ABCA4: variants seen among roughly 807,000 people sequenced by gnomAD.
ABCA4 encodes the protein retinal-specific phospholipid-transporting ATPase ABCA4.
Under a neutral mutation model 263.7 loss-of-function variants are expected in ABCA4, and 196 were observed. That is an observed-to-expected ratio of 0.74 (90% CI 0.66 to 0.84). The LOEUF (loss-of-function observed/expected upper bound fraction) is 0.84. Ranked by LOEUF, ABCA4 falls within the 40% of genes least tolerant of loss-of-function variation. ABCA4 has a pLI of 0.00. For missense variants in ABCA4, 2,792 were observed against 2,855.1 expected, an observed-to-expected ratio of 0.98 and a Z score of 0.50; for synonymous variants, 1,133 against 1,094.2, an observed-to-expected ratio of 1.04 and a Z score of -0.70.
At chr1:93,995,953 G>T in intron 49 of ABCA4, among the ~76,000 whole-genome samples, 156 bp downstream of exon 49, 1 of 152,232 alleles carries the variant, frequency 6.6e-6, no homozygotes, top group East Asian at 1.9e-4. Context: ...AGGATGTGAT[G>T]AGGATGTGGT....
At chr1:94,045,605 A>C (rs1457977334) in intron 19 of ABCA4, 7 of 387,158 alleles carry the variant, frequency 1.8e-5, no homozygotes, top group Non-Finnish European at 3.1e-5. Context: ...AGATGGATGC[A>C]GGGCCGCCAC....
intron 3 of ABCA4, among the ~76,000 whole-genome samples, chr1:94,109,182 T>C (rs528710598): frequency 6.6e-6 from 1 of 152,356 alleles, no homozygotes; most frequent in African/African-American, 2.4e-5. Flanking sequence ...CTTGTACATA[T>C]AGGCTAACTG....
chr1:94,083,643 C>T (rs577411781), intron 6 of ABCA4, among the ~76,000 whole-genome samples: 11 of 152,276 alleles, frequency 7.2e-5, no homozygotes, highest in Admixed American at 6.5e-4. Context: ...TTCCAAGACT[C>T]CTTGCTGCAC....
intron 47 of ABCA4, among the ~76,000 whole-genome samples, chr1:93,998,575 C>T (rs906406090): frequency 2.0e-5 from 3 of 152,050 alleles, no homozygotes; most frequent in African/African-American, 7.2e-5. Context: ...TGTGTACATA[C>T]TGAAAACTAG....
At chr1:94,079,599 G>A (rs1661634491) in intron 8 of ABCA4, 138 bp from the exon 9 acceptor site, 2 of 1,264,534 alleles carry the variant, frequency 1.6e-6, no homozygotes, top group Non-Finnish European at 2.3e-6. Context: ...TTAATAGGCT[G>A]TACCCCACCA....
rs62646865 is a variant in ABCA4, at chr1:94,098,816, T to C, written c.746A>G (p.Asp249Gly). The change falls in exon 6 of 50, where the codon GAC becomes GGC. Residue 249 changes from aspartate to glycine, a missense_variant. Coordinates refer to ENST00000370225, the MANE Select transcript of ABCA4 (RefSeq NM_000350.3). Reference sequence around the variant, plus strand: ...TACCACACGGAAGAGCTTGAAGAAGTCCACGTTGGCATACAGAGTGTCTTC... The same window carrying C: ...TACCACACGGAAGAGCTTGAAGAAGCCCACGTTGGCATACAGAGTGTCTTC... ...WIEDTLYANV[D>G]FFKLFRVLPT... is the part of the protein sequence containing the mutation. 2 of 1,614,074 alleles carry C rather than the reference T, an allele frequency of 1.2e-6. No individual in the cohort carries two copies. Among genetic ancestry groups the C allele is most frequent in the Non-Finnish European group, 1.7e-6 (2 of 1,179,998 alleles).
chr1:94,120,939 G>T, intron 1 of ABCA4, 41 bp downstream of exon 1: 215 of 626,708 alleles, frequency 3.4e-4, no homozygotes, highest in Non-Finnish European at 4.6e-4. Flanking sequence ...CTGTTTATTT[G>T]CTCCACACCT....
intron 14 of ABCA4, among the ~76,000 whole-genome samples, chr1:94,059,219 TG>T (rs1415301340): frequency 6.6e-6 from 1 of 152,142 alleles, no homozygotes; most frequent in Non-Finnish European, 1.5e-5. Context: ...ATGTTGGTAC[TG>T]GGAAAAGAAG....
chr1:94,116,590 C>T (rs922093149), intron 1 of ABCA4, among the ~76,000 whole-genome samples: 9 of 152,178 alleles, frequency 5.9e-5, no homozygotes, highest in South Asian at 2.1e-4. Context: ...CTGCATTTCA[C>T]GCGTCACTCC....
At chr1:94,116,988 TTCTTTCTTTCTTTC>T (rs1369537160) in intron 1 of ABCA4, among the ~76,000 whole-genome samples, 1 of 120,324 alleles carries the variant, frequency 8.3e-6, no homozygotes, top group Admixed American at 8.3e-5. Context: ...CTTTCTTTCT[TTCTTTCTTTCTTTC>T]TTTCTTTCTT....
Position 93,993,112 on chromosome 1 carries a change from G to C in ABCA4, c.*125C>G. The C allele has an allele frequency of 7.6e-7, 1 of 1,314,728 alleles. No homozygotes were observed. Among genetic ancestry groups the C allele is most frequent in the Non-Finnish European group, 1.1e-6 (1 of 919,944 alleles). 81.4% of individuals were successfully genotyped at this position (1,314,728 alleles called of 1,614,324 possible). On this transcript the variant is annotated 3_prime_UTR_variant, in exon 50 of 50. Coordinates refer to ENST00000370225, the MANE Select transcript of ABCA4 (RefSeq NM_000350.3). ...TTCGCTGCATGCTCCTCGTGTGTTT[G>C]TTTTCTGCTGCAGTGGGGTCATTTA... is the stretch of plus-strand genomic sequence containing the variant.
intron 48 of ABCA4, among the ~76,000 whole-genome samples, chr1:93,996,905 T>G (rs1223752878): frequency 6.6e-6 from 1 of 152,146 alleles, no homozygotes; most frequent in Non-Finnish European, 1.5e-5. Flanking sequence ...GGACAAACAC[T>G]GTATGATTCC....
chr1:94,022,260 C>CAA (rs1454679157), intron 32 of ABCA4, among the ~76,000 whole-genome samples: 8 of 152,308 alleles, frequency 5.3e-5, no homozygotes, highest in Non-Finnish European at 1.0e-4. Flanking sequence ...TTCCAGAGCT[C>CAA]CTCATGGCCC....
rs2101035693 is a variant in ABCA4, at chr1:94,031,016, C to A, written c.4233G>T (p.Gly1411=). The change falls in exon 28 of 50, where the codon GGG becomes GGT. Residue 1411 remains glycine, a synonymous_variant. Coordinates refer to ENST00000370225, the MANE Select transcript of ABCA4 (RefSeq NM_000350.3). The stretch of plus-strand genomic sequence containing the variant: ...CGCACCTGAAGAAGGTGTACTGCTG[C>A]CCATATATCCAGGGGTGAAGGGTCA... ...PALTLHPWIY[G]QQYTFFSMDE... The A allele has an allele frequency of 3.7e-6, 6 of 1,614,046 alleles. No individual in the cohort carries two copies. Among genetic ancestry groups the A allele is most frequent in the Non-Finnish European group, 5.1e-6 (6 of 1,179,998 alleles).
In ABCA4 at chr1:94,036,881, T is replaced by C. The variant is rs1660352204; in HGVS notation, c.3814-93A>G. 3.9e-6 allele frequency: 5 copies of C among 1,269,490 alleles called. No homozygotes were observed. The South Asian group carries it at 4.8e-5, about 12-fold the overall frequency. 78.6% of individuals were successfully genotyped at this position (1,269,490 alleles called of 1,614,324 possible). A position where few individuals can be genotyped will look rare whatever the true frequency, so the allele number is the denominator to read the frequency against. ...CTCTGTTTTGTTGGGTATTGCTTCA[T>C]AATGGGAAGAAAATCCATTACGACT... On this transcript the variant is annotated intron_variant, in intron 25 of 49. Coordinates refer to ENST00000370225, the MANE Select transcript of ABCA4 (RefSeq NM_000350.3).
At chr1:94,120,432 C>T (rs138044405) in intron 1 of ABCA4, among the ~76,000 whole-genome samples, 25 of 152,326 alleles carry the variant, frequency 1.6e-4, no homozygotes, top group African/African-American at 5.5e-4. Context: ...TGTTACTTTT[C>T]TGCACCACTA....
At chr1:94,063,877 C>A (rs951324614) in intron 11 of ABCA4, among the ~76,000 whole-genome samples, 9 of 151,690 alleles carry the variant, frequency 5.9e-5, no homozygotes, top group Non-Finnish European at 1.0e-4. Context: ...AATTCTGTGA[C>A]AAGTAATGCT....
At chr1:94,034,302 C>A (rs1293965583) in intron 26 of ABCA4, among the ~76,000 whole-genome samples, 2 of 152,158 alleles carry the variant, frequency 1.3e-5, no homozygotes. Context: ...GAGCCCTTTT[C>A]TTCTTCTCTT....
At chr1:94,110,875 G>A (rs908040145) in intron 3 of ABCA4, among the ~76,000 whole-genome samples, 3 of 151,694 alleles carry the variant, frequency 2.0e-5, no homozygotes, top group Non-Finnish European at 4.4e-5. Context: ...CACTGCACCC[G>A]AGCCATATTC....
Sources: gnomAD v4.1 joint callset for allele counts (sites outside exome capture counted in the v4.1 genomes callset) on GRCh38, gnomAD v4.1.1 for gene constraint, MANE v1.5 for transcripts, NCBI Gene and HGNC (gene_info 2026-07-23, HGNC 2026-07-21) for gene names.